TBC1D22A: variants seen among roughly 807,000 people sequenced by gnomAD.
TBC1D22A encodes the protein TBC1 domain family member 22A.
A neutral mutation model predicts 60.2 loss-of-function variants in TBC1D22A; 38 were observed. The ratio of observed to expected loss-of-function variants is 0.63; its 90% CI spans 0.49 to 0.83. TBC1D22A has a LOEUF of 0.83. Ranked by LOEUF, TBC1D22A falls within the 40% of genes least tolerant of loss-of-function variation. The pLI is 0.00. For missense variants in TBC1D22A, 628 were observed against 701.0 expected, an observed-to-expected ratio of 0.90 and a Z score of 1.18; for synonymous variants, 302 against 281.7, an observed-to-expected ratio of 1.07 and a Z score of -0.72.
intron 4 of TBC1D22A, among the ~76,000 whole-genome samples, chr22:46,826,894 CAGAT>C (rs2086093043): frequency 6.6e-6 from 1 of 151,734 alleles, no homozygotes; most frequent in Non-Finnish European, 1.5e-5. Flanking sequence ...AGTCAGCACT[CAGAT>C]AGCTGTTGAA....
At chr22:46,966,057 C>T (rs1602703404) in intron 8 of TBC1D22A, among the ~76,000 whole-genome samples, 2 of 152,188 alleles carry the variant, frequency 1.3e-5, no homozygotes, top group African/African-American at 2.4e-5. Context: ...TGTCTTCTAG[C>T]GCTTCCCGTC....
Position 46,792,774 on chromosome 22 carries a change from G to A in TBC1D22A, c.119+198G>A, listed in dbSNP as rs772416988. On this transcript the variant is annotated intron_variant, in intron 2 of 12. Coordinates refer to ENST00000337137, the MANE Select transcript of TBC1D22A (RefSeq NM_014346.5). ...TGCTGCGCATCCCGGTGAAGACGGC[G>A]GATGTGGGAGCCACAGCCTGATGTG... 2.7e-4 allele frequency: 397 copies of A among 1,462,288 alleles called. 3 individuals carry two copies. The highest frequency in any genetic ancestry group is 1.2e-3 in the African/African-American group (88 of 70,962). The allele number at this position is 1,462,288 out of a possible 1,614,324, so 90.6% of individuals were successfully genotyped here. A position where few individuals can be genotyped will look rare whatever the true frequency, so the allele number is the denominator to read the frequency against.
chr22:47,037,253 C>T, intron 11 of TBC1D22A, 55 bp downstream of exon 11: 2 of 1,603,214 alleles, frequency 1.2e-6, no homozygotes, highest in Non-Finnish European at 1.7e-6. Flanking sequence ...CGGGCCGTTT[C>T]CTGTCGCCTT....
chr22:46,915,903 C>T (rs781217235), intron 8 of TBC1D22A: 1 of 450,922 alleles, frequency 2.2e-6, no homozygotes, highest in African/African-American at 2.0e-5. Flanking sequence ...GTGGGAGGTT[C>T]CAACTCTGCA....
At chr22:46,807,425 G>C (rs2085196262) in intron 4 of TBC1D22A, among the ~76,000 whole-genome samples, 2 of 152,180 alleles carry the variant, frequency 1.3e-5, no homozygotes, top group Non-Finnish European at 2.9e-5. Flanking sequence ...CCCCAGTGCT[G>C]CTTTGCTTGG....
In TBC1D22A at chr22:47,008,071, A is replaced by G. The variant is rs2061644315; in HGVS notation, c.1201+10362A>G. Among the ~76,000 whole-genome samples, 4 of 152,328 alleles carry G rather than the reference A, an allele frequency of 2.6e-5. No individual in the cohort carries two copies. In the South Asian group the frequency reaches 8.3e-4, roughly 32 times the overall value. On this transcript the variant is annotated intron_variant, in intron 10 of 12. Transcript: ENST00000337137. ...AAAATAATGCCATGAGGGAAGGAAG[A>G]GGGGACTCTTCATTTCTCTTTGAAA...
chr22:46,795,355 G>T (rs1043641961), intron 3 of TBC1D22A, among the ~76,000 whole-genome samples: 4 of 152,242 alleles, frequency 2.6e-5, no homozygotes, highest in Admixed American at 6.5e-5. Context: ...GGCACTGTCA[G>T]GCTGAGAGTG....
intron 5 of TBC1D22A, among the ~76,000 whole-genome samples, chr22:46,880,228 A>G (rs1254155154): frequency 6.6e-6 from 1 of 152,230 alleles, no homozygotes; most frequent in African/African-American, 2.4e-5. Flanking sequence ...CAGTACATGT[A>G]AGAAGTGGCG....
intron 12 of TBC1D22A, among the ~76,000 whole-genome samples, chr22:47,138,103 T>C (rs901870495): frequency 4.6e-5 from 7 of 152,138 alleles, no homozygotes; most frequent in Admixed American, 2.0e-4. Context: ...CCGGCACTCA[T>C]GGAGATACCT....
intron 4 of TBC1D22A, among the ~76,000 whole-genome samples, chr22:46,821,780 C>T (rs4823881): frequency 0.27 from 40,862 of 151,700 alleles, 5,611 homozygotes; most frequent in South Asian, 0.4. Flanking sequence ...ACATGTTGGC[C>T]CGTCTTGCTA....
At chr22:46,872,375 G>A (rs1016184873) in intron 4 of TBC1D22A, among the ~76,000 whole-genome samples, 1 of 152,026 alleles carries the variant, frequency 6.6e-6, no homozygotes, top group Non-Finnish European at 1.5e-5. Context: ...GAGAACCTGA[G>A]ACCAATATTT....
intron 12 of TBC1D22A, among the ~76,000 whole-genome samples, chr22:47,169,391 C>T (rs940180346): frequency 1.3e-5 from 2 of 152,218 alleles, no homozygotes; most frequent in Non-Finnish European, 2.9e-5. Flanking sequence ...TCCCTCTCCC[C>T]AGGCCCCACC....
chr22:47,155,052 C>T (rs1002510882), intron 12 of TBC1D22A, among the ~76,000 whole-genome samples: 3 of 152,154 alleles, frequency 2.0e-5, no homozygotes, highest in South Asian at 2.1e-4. Context: ...CTGAAAAAGA[C>T]GAAGGGCTGC....
intron 12 of TBC1D22A, among the ~76,000 whole-genome samples, chr22:47,129,591 C>T (rs549812748): frequency 6.6e-6 from 1 of 152,204 alleles, no homozygotes; most frequent in South Asian, 2.1e-4. Context: ...ACAAATCTAG[C>T]CATTTTCCTG....
intron 11 of TBC1D22A, among the ~76,000 whole-genome samples, chr22:47,051,103 G>A (rs2063200667): frequency 7.2e-6 from 1 of 139,700 alleles, no homozygotes; most frequent in East Asian, 2.2e-4. Flanking sequence ...CATGTGGGAG[G>A]CTGGGTCATT....
intron 12 of TBC1D22A, among the ~76,000 whole-genome samples, chr22:47,121,279 A>AT (rs1367608834): frequency 2.0e-5 from 3 of 152,242 alleles, no homozygotes; most frequent in Non-Finnish European, 4.4e-5. Flanking sequence ...TTTCATTCTG[A>AT]TGAGGGGTGT....
At chr22:46,916,775 G>A (rs2070395580) in intron 8 of TBC1D22A, among the ~76,000 whole-genome samples, 1 of 152,244 alleles carries the variant, frequency 6.6e-6, no homozygotes, top group Non-Finnish European at 1.5e-5. Flanking sequence ...CAAAGCATGT[G>A]AAGACAGTGA....
chr22:46,974,467 T>C, intron 9 of TBC1D22A, 68 bp downstream of exon 9: 1 of 1,336,842 alleles, frequency 7.5e-7, no homozygotes, highest in Non-Finnish European at 1.0e-6. Flanking sequence ...GCCTGAGGCC[T>C]TAGGCTGCTC....
intron 9 of TBC1D22A, among the ~76,000 whole-genome samples, chr22:46,983,655 C>G (rs913600514): frequency 6.7e-6 from 1 of 150,364 alleles, no homozygotes; most frequent in African/African-American, 2.4e-5. Flanking sequence ...GCTCCCCCAA[C>G]CAGCTGGCAG....
Sources: allele counts gnomAD v4.1 joint callset (sites outside exome capture counted in the v4.1 genomes callset), GRCh38; gene constraint gnomAD v4.1.1; transcripts MANE v1.5; gene names NCBI Gene and HGNC (gene_info 2026-07-23, HGNC 2026-07-21).